SGPL1: variants seen among roughly 807,000 people sequenced by gnomAD.
SGPL1 encodes sphingosine-1-phosphate lyase 1.
Under a neutral mutation model 68.9 loss-of-function variants are expected in SGPL1, and 37 were observed. That is an observed-to-expected ratio of 0.54 (90% CI 0.41 to 0.71). The LOEUF (loss-of-function observed/expected upper bound fraction) is 0.71, where lower values mean the gene tolerates loss of function less well. Among genes scored for constraint, SGPL1 ranks in the 30% least tolerant of loss-of-function variants. The pLI is 0.00. For synonymous variants in SGPL1, 236 were observed against 248.5 expected, an observed-to-expected ratio of 0.95 and a Z score of 0.47; for missense variants, 551 against 704.6, an observed-to-expected ratio of 0.78 and a Z score of 2.47.
At chr10:70,862,189 A>C (rs1054376416) in intron 7 of SGPL1, among the ~76,000 whole-genome samples, 2 of 152,006 alleles carry the variant, frequency 1.3e-5, no homozygotes, top group African/African-American at 4.8e-5. Flanking sequence ...ACCAATCGGC[A>C]CTCTGTATCT....
chr10:70,820,418 G>A (rs1845318071), intron 2 of SGPL1: 1 of 152,110 alleles, frequency 6.6e-6, no homozygotes, highest in African/African-American at 2.4e-5. Context: ...TGGGGGAGGA[G>A]GGAGTCTTTT....
chr10:70,816,206 G>T (rs1845223557), intron 1 of SGPL1, 80 bp downstream of exon 1: 2 of 150,780 alleles, frequency 1.3e-5, no homozygotes, highest in South Asian at 3.6e-4. Flanking sequence ...GACAGGGGCC[G>T]GGTGGGCCGA....
chr10:70,829,730 G>C (rs1400749104), intron 2 of SGPL1, among the ~76,000 whole-genome samples: 2 of 152,108 alleles, frequency 1.3e-5, no homozygotes, highest in African/African-American at 4.8e-5. Flanking sequence ...TTGATTACCA[G>C]TCCAGACTTT....
intron 2 of SGPL1, among the ~76,000 whole-genome samples, chr10:70,826,398 C>T (rs1378232726): frequency 6.6e-6 from 1 of 152,188 alleles, no homozygotes; most frequent in Non-Finnish European, 1.5e-5. Context: ...GCATCCCCTC[C>T]TGGGCCAGGG....
chr10:70,856,894 A>C (rs886612590), intron 5 of SGPL1, among the ~76,000 whole-genome samples: 1 of 152,206 alleles, frequency 6.6e-6, no homozygotes, highest in Admixed American at 6.5e-5. Context: ...GAGAGAGGAA[A>C]GTGGAAAGTC....
intron 2 of SGPL1, among the ~76,000 whole-genome samples, chr10:70,822,263 C>T: frequency 6.6e-6 from 1 of 152,136 alleles, no homozygotes; most frequent in East Asian, 1.9e-4. Flanking sequence ...GCAGGATGAA[C>T]ACTGTATTTG....
intron 4 of SGPL1, among the ~76,000 whole-genome samples, 166 bp from the exon 5 acceptor site, chr10:70,854,542 G>GA (rs1845932653): frequency 6.6e-6 from 1 of 152,202 alleles, no homozygotes; most frequent in South Asian, 2.1e-4. Context: ...GTACATGCCA[G>GA]AAAGTAGCTG....
chr10:70,871,282 C>T, intron 10 of SGPL1, 136 bp downstream of exon 10: 1 of 578,462 alleles, frequency 1.7e-6, no homozygotes, highest in Non-Finnish European at 3.0e-6. Context: ...TCTCATCAGC[C>T]CTAGGGGAAG....
At chr10:70,822,393 A>G (rs539505911) in intron 2 of SGPL1, among the ~76,000 whole-genome samples, 1 of 152,350 alleles carries the variant, frequency 6.6e-6, no homozygotes, top group East Asian at 1.9e-4. Flanking sequence ...TTAGCTTTTC[A>G]GTCTATGTGT....
chr10:70,852,387 T>A (rs1450751838), intron 4 of SGPL1, among the ~76,000 whole-genome samples: 2 of 152,214 alleles, frequency 1.3e-5, no homozygotes, highest in Non-Finnish European at 2.9e-5. Context: ...GGCTTCTGTT[T>A]GCTCTCCAAA....
intron 3 of SGPL1, among the ~76,000 whole-genome samples, chr10:70,846,431 A>T (rs1845793528): frequency 6.6e-6 from 1 of 152,126 alleles, no homozygotes; most frequent in African/African-American, 2.4e-5. Flanking sequence ...TTATAATAAA[A>T]TATATACAAC....
intron 4 of SGPL1, among the ~76,000 whole-genome samples, chr10:70,854,071 CT>C (rs1253849268): frequency 1.3e-5 from 2 of 152,308 alleles, no homozygotes; most frequent in African/African-American, 4.8e-5. Flanking sequence ...AGTCCAAATA[CT>C]GCCCTCAAGG....
At chr10:70,859,697 G>A (rs981390604) in intron 7 of SGPL1, 198 bp downstream of exon 7, 4 of 172,698 alleles carry the variant, frequency 2.3e-5, no homozygotes, top group Non-Finnish European at 4.7e-5. Context: ...CTAATTAACT[G>A]CAGTTTTAAA....
intron 7 of SGPL1, among the ~76,000 whole-genome samples, chr10:70,865,323 C>T (rs1049509655): frequency 1.5e-5 from 2 of 133,762 alleles, no homozygotes; most frequent in Non-Finnish European, 3.3e-5. Context: ...CTGCACTCAC[C>T]CTTTTTTTTT....
chr10:70,852,371 C>T (rs1286081042), intron 4 of SGPL1, among the ~76,000 whole-genome samples: 1 of 152,136 alleles, frequency 6.6e-6, no homozygotes. Flanking sequence ...GAAATGTGAG[C>T]ATATAGGCTT....
rs902905176 is a variant in SGPL1 at position 70,871,227 on chromosome 10, G to T, written c.909+81G>T. 5.3e-6 allele frequency: 5 copies of T among 941,678 alleles called. No homozygotes were observed. The East Asian group carries it at 1.2e-4, about 23-fold the overall frequency. 58.3% of individuals were successfully genotyped at this position (941,678 alleles called of 1,614,324 possible). The stretch of plus-strand genomic sequence containing the variant: ...CTAATGGGGCAGTACTTGGCAAATA[G>T]AAGCGATTTTTTTTTTGTTTTTGAC... On this transcript the variant is annotated intron_variant, in intron 10 of 14. Transcript: ENST00000373202.
At chr10:70,846,234 G>A (rs974629517) in intron 3 of SGPL1, among the ~76,000 whole-genome samples, 9 of 152,260 alleles carry the variant, frequency 5.9e-5, no homozygotes, top group African/African-American at 2.2e-4. Flanking sequence ...CGCTGCATCT[G>A]CTCAATGGTT....
At chr10:70,826,211 T>TACAAC (rs892770485) in intron 2 of SGPL1, among the ~76,000 whole-genome samples, 5 of 149,830 alleles carry the variant, frequency 3.3e-5, no homozygotes, top group Non-Finnish European at 6.0e-5. Flanking sequence ...TACAATACAA[T>TACAAC]ACAACACAAC....
At chr10:70,846,763 CAA>C (rs1373951798) in intron 3 of SGPL1, among the ~76,000 whole-genome samples, 2 of 152,142 alleles carry the variant, frequency 1.3e-5, no homozygotes, top group Non-Finnish European at 2.9e-5. Context: ...CTTTTTAAAA[CAA>C]ATTTTAAAAT....
Sources: gnomAD v4.1 joint callset for allele counts (sites outside exome capture counted in the v4.1 genomes callset) on GRCh38, gnomAD v4.1.1 for gene constraint, MANE v1.5 for transcripts, NCBI Gene and HGNC (gene_info 2026-07-23, HGNC 2026-07-21) for gene names.